The following UNC80 variants were observed in gnomAD, a reference collection of about 807,000 sequenced individuals.
UNC80 encodes the protein protein unc-80 homolog.
A neutral mutation model predicts 384.6 loss-of-function variants in UNC80; 164 were observed. That is an observed-to-expected ratio of 0.43 (90% CI 0.38 to 0.49). The LOEUF (loss-of-function observed/expected upper bound fraction) is 0.49. UNC80 is among the 20% of genes least tolerant of loss of function. UNC80 has a pLI of 0.00. For missense variants in UNC80, 3,330 were observed against 4,143.0 expected (o/e 0.80, Z 5.39); for synonymous variants, 1,486 against 1,527.8 (o/e 0.97, Z 0.64).
rs1216437376 is a variant in UNC80, at chr2:209,819,161, G to A, written c.1862G>A (p.Ser621Asn). Residue 621 changes from serine (S) to asparagine (N), a missense_variant, in exon 12 of 65, where the codon AGC (serine) becomes AAC (asparagine). Ser to Asn is a conservative substitution (Grantham distance 46). Coordinates refer to ENST00000673920, the MANE Select transcript of UNC80 (RefSeq NM_001371986.1). ...EPLACANLPR[S>N]LTDSCINYSY... ...CTGGCATGTGCTAACCTACCTCGAA[G>A]CCTCACAGACTCCTGCATAAACTAC... is the stretch of plus-strand genomic sequence containing the variant. 1 of 1,552,064 alleles carries A rather than the reference G, an allele frequency of 6.4e-7. No homozygotes were observed. The highest frequency in any genetic ancestry group is 8.7e-7 in the Non-Finnish European group (1 of 1,147,112).
chr2:209,773,972 C>G (rs1163181495), intron 2 of UNC80, among the ~76,000 whole-genome samples: 3 of 152,144 alleles, frequency 2.0e-5, no homozygotes, highest in African/African-American at 4.8e-5. Flanking sequence ...AATCATGAAG[C>G]AAAATTGAAA....
At chr2:209,825,452 C>G (rs1347336173) in intron 13 of UNC80, among the ~76,000 whole-genome samples, 1 of 152,108 alleles carries the variant, frequency 6.6e-6, no homozygotes, top group East Asian at 1.9e-4. Context: ...TCAAAAATGT[C>G]AGAAGTTGCC....
At chr2:209,946,356 T>A in intron 47 of UNC80, among the ~76,000 whole-genome samples, 4 of 131,466 alleles carry the variant, frequency 3.0e-5, no homozygotes. Context: ...GGCAACAGAG[T>A]AAGACTTTGT....
intron 59 of UNC80, among the ~76,000 whole-genome samples, chr2:209,981,594 A>C (rs1250849450): frequency 6.9e-6 from 1 of 145,968 alleles, no homozygotes; most frequent in Non-Finnish European, 1.5e-5. Context: ...AAAAACAAAC[A>C]AACCAAAACA....
chr2:209,850,082 C>G (rs552215337), intron 22 of UNC80, among the ~76,000 whole-genome samples: 3 of 152,114 alleles, frequency 2.0e-5, no homozygotes, highest in South Asian at 2.1e-4. Flanking sequence ...GCTCACCAAG[C>G]CTTGATTTCA....
At chr2:209,861,861 C>T (rs9677274) in intron 22 of UNC80, among the ~76,000 whole-genome samples, 26,534 of 151,870 alleles carry the variant, frequency 0.17, 3,193 homozygotes, top group African/African-American at 0.34. Context: ...TTTGTATTTC[C>T]GTGGGGTCAG....
At position 209,922,323 on chromosome 2, in the gene UNC80, A is replaced by G. The variant is rs771791841; in HGVS notation, c.5602A>G (p.Arg1868Gly). 4 of 1,552,116 alleles carry G rather than the reference A, an allele frequency of 2.6e-6. No individual in the cohort carries two copies. The highest frequency in any genetic ancestry group is 3.5e-6 in the Non-Finnish European group (4 of 1,147,072). Reference sequence around the variant, plus strand: ...ATCCTGCACCTCCAGCACTTCCCACAGGAATTATTCCTTCCGCCGCGGGTC... The same window carrying G: ...ATCCTGCACCTCCAGCACTTCCCACGGGAATTATTCCTTCCGCCGCGGGTC... The part of the protein sequence containing the change: ...SPSCTSSTSH[R>G]NYSFRRGSVW... Residue 1868 changes from arginine (R) to glycine (G), a missense_variant, in exon 35 of 65, where the codon AGG (arginine) becomes GGG (glycine). Arg to Gly is a moderately radical substitution (Grantham distance 125). Around this residue, in one of 8 missense-constraint regions of UNC80, gnomAD observed 1,049 missense variants for 1,488.6 expected, o/e 0.70. Coordinates refer to ENST00000673920, the MANE Select transcript of UNC80 (RefSeq NM_001371986.1).
intron 25 of UNC80, among the ~76,000 whole-genome samples, chr2:209,886,202 T>C (rs2085791096): frequency 6.6e-6 from 1 of 151,728 alleles, no homozygotes; most frequent in Non-Finnish European, 1.5e-5. Context: ...ATGTCATAAT[T>C]AGAAAAATAC....
intron 13 of UNC80, among the ~76,000 whole-genome samples, chr2:209,823,931 C>T (rs1389291222): frequency 1.3e-5 from 2 of 152,002 alleles, no homozygotes; most frequent in Non-Finnish European, 2.9e-5. Flanking sequence ...AACATGAAGC[C>T]ACAAGTAGAA....
intron 23 of UNC80, among the ~76,000 whole-genome samples, chr2:209,875,297 C>G (rs1023286851): frequency 6.6e-6 from 1 of 152,174 alleles, no homozygotes; most frequent in African/African-American, 2.4e-5. Context: ...CAGGATAAAA[C>G]CCAAACTGCT....
At position 209,943,500 on chromosome 2, in the gene UNC80, C is replaced by T; in HGVS notation, c.7036C>T (p.Leu2346Phe). The T allele has an allele frequency of 6.4e-7, 1 of 1,551,660 alleles. No homozygotes were observed. The highest frequency in any genetic ancestry group is 1.4e-5 in the African/African-American group (1 of 73,140). ...CCAGCTGTTTGCTAGTGTGGCCCCTCTCCTGGAATTTCCTGTAAGTAAGCT... is the reference window on the plus strand; with the variant it reads ...CCAGCTGTTTGCTAGTGTGGCCCCTTTCCTGGAATTTCCTGTAAGTAAGCT... Reference protein sequence around the residue: ...VLQLFASVAPLLEFPDAANNG... With the variant: ...VLQLFASVAPFLEFPDAANNG... The change falls in exon 45 of 65, where the codon CTC becomes TTC. Residue 2346 changes from leucine (L) to phenylalanine (F), a missense_variant. Coordinates refer to ENST00000673920, the MANE Select transcript of UNC80 (RefSeq NM_001371986.1).
intron 7 of UNC80, among the ~76,000 whole-genome samples, chr2:209,800,492 A>T (rs202102166): frequency 0.027 from 2 of 74 alleles, no homozygotes; most frequent in South Asian, 0.25. Context: ...TTTGTTATTT[A>T]AAAAAAAAAA....
chr2:209,849,765 G>A, intron 22 of UNC80, 142 bp downstream of exon 22: 1 of 932,246 alleles, frequency 1.1e-6, no homozygotes, highest in Non-Finnish European at 1.6e-6. Context: ...GGGGAAGAAA[G>A]ATGGTGAAAA....
chr2:209,902,988 C>G (rs2087598333), intron 28 of UNC80, among the ~76,000 whole-genome samples: 1 of 145,780 alleles, frequency 6.9e-6, no homozygotes, highest in African/African-American at 2.5e-5. Context: ...CCAGGGCCTC[C>G]CATGAATACC....
chr2:209,953,228 G>A (rs1173453138), intron 47 of UNC80, among the ~76,000 whole-genome samples: 1 of 151,882 alleles, frequency 6.6e-6, no homozygotes, highest in Non-Finnish European at 1.5e-5. Context: ...GACCAGCCTG[G>A]CCAACATAGT....
In UNC80 at chr2:209,978,600, AT is replaced by A; in HGVS notation, c.9011del (p.Met3004SerfsTer27). On this transcript the variant is annotated frameshift_variant, in exon 59 of 65. Coordinates refer to ENST00000673920, the MANE Select transcript of UNC80 (RefSeq NM_001371986.1). LOFTEE classifies it high-confidence loss of function. Reference sequence around the variant, plus strand: ...TGCTTACCGCCTGAGCTTGGCCACCATGTCCCGCTCTAACACGGGCACGGGC... The same window carrying A: ...TGCTTACCGCCTGAGCTTGGCCACCAGTCCCGCTCTAACACGGGCACGGGC... The part of the protein sequence containing the change: ...TSAYRLSLAT[M>X]SRSNTGTGTV... 2 of 1,551,536 alleles carry A rather than the reference AT, an allele frequency of 1.3e-6. No homozygotes were observed. The highest frequency in any genetic ancestry group is 1.7e-6 in the Non-Finnish European group (2 of 1,146,872).
At chr2:209,859,504 G>T (rs187233662) in intron 22 of UNC80, among the ~76,000 whole-genome samples, 1 of 152,184 alleles carries the variant, frequency 6.6e-6, no homozygotes, top group African/African-American at 2.4e-5. Flanking sequence ...ACGTGTGCAT[G>T]TGTCTTTATA....
intron 9 of UNC80, among the ~76,000 whole-genome samples, chr2:209,815,603 C>T (rs1429792648): frequency 6.6e-6 from 1 of 152,128 alleles, no homozygotes; most frequent in Non-Finnish European, 1.5e-5. Flanking sequence ...AAATGCTCCA[C>T]AGGGTTGTCA....
chr2:209,972,867 C>T (rs2092918935), intron 55 of UNC80, among the ~76,000 whole-genome samples, 197 bp from the exon 56 acceptor site: 1 of 152,154 alleles, frequency 6.6e-6, no homozygotes, highest in Admixed American at 6.5e-5. Flanking sequence ...GTTGGGTACC[C>T]ACTATGGAGA....
Sources: allele counts gnomAD v4.1 joint callset (sites outside exome capture counted in the v4.1 genomes callset), GRCh38; gene constraint gnomAD v4.1.1; regional missense constraint gnomAD v4.1.1; transcripts MANE v1.5; gene names NCBI Gene and HGNC (gene_info 2026-07-23, HGNC 2026-07-21).